The following EIF2AK4 variants were observed in gnomAD, a reference collection of about 807,000 sequenced individuals.
The protein encoded by EIF2AK4 is eukaryotic translation initiation factor 2 alpha kinase 4.
Under a neutral mutation model 211.1 loss-of-function variants are expected in EIF2AK4, and 139 were observed. That is an observed-to-expected ratio of 0.66 (90% CI 0.57 to 0.76). EIF2AK4 has a LOEUF of 0.76. Ranked by LOEUF, EIF2AK4 falls within the 30% of genes least tolerant of loss-of-function variation. The pLI, the probability that EIF2AK4 is intolerant of heterozygous loss-of-function variation, is 0.00. For missense variants in EIF2AK4, 1,664 were observed against 2,043.8 expected (o/e 0.81, Z 3.58); for synonymous variants, 710 against 751.3 (o/e 0.94, Z 0.90).
chr15:39,942,501 C>T (rs559179258), intron 2 of EIF2AK4, among the ~76,000 whole-genome samples: 8 of 152,294 alleles, frequency 5.3e-5, no homozygotes, highest in Admixed American at 3.3e-4. Context: ...TAAGTGCATA[C>T]TCAAGACTTC....
At chr15:39,934,499 G>A (rs985547351) in intron 1 of EIF2AK4, among the ~76,000 whole-genome samples, 160 bp downstream of exon 1, 1 of 152,220 alleles carries the variant, frequency 6.6e-6, no homozygotes, top group Non-Finnish European at 1.5e-5. Context: ...TGCACCTGCA[G>A]CTGGTCTGCA....
chr15:40,028,340 A>G (rs2035493872), intron 33 of EIF2AK4, among the ~76,000 whole-genome samples: 3 of 152,160 alleles, frequency 2.0e-5, no homozygotes, highest in African/African-American at 7.2e-5. Flanking sequence ...AAATTCTTAT[A>G]TGTATGCTCA....
chr15:39,967,927 T>C, intron 9 of EIF2AK4, 48 bp downstream of exon 9: 1 of 1,577,788 alleles, frequency 6.3e-7, no homozygotes. Flanking sequence ...TCCTGTACTT[T>C]TGATTGTGCT....
In EIF2AK4 at chr15:39,985,800, G is replaced by A. The variant is rs1233550434; in HGVS notation, c.2320-5G>A. ...TTGAGTTATTGTGTGTTCGTCTTGGGTTAGGATGAAGATTGCAATGAAAAG... is the reference window on the plus strand; with the variant it reads ...TTGAGTTATTGTGTGTTCGTCTTGGATTAGGATGAAGATTGCAATGAAAAG... On this transcript the variant is annotated splice_region_variant and splice_polypyrimidine_tract_variant and intron_variant, in intron 13 of 38. Coordinates refer to ENST00000263791, the MANE Select transcript of EIF2AK4 (RefSeq NM_001013703.4). 2 of 1,614,032 alleles carry A rather than the reference G, an allele frequency of 1.2e-6. No homozygotes were observed. Among genetic ancestry groups the A allele is most frequent in the African/African-American group, 2.7e-5 (2 of 75,020 alleles).
chr15:40,001,346 C>A, intron 21 of EIF2AK4, 122 bp downstream of exon 21: 1 of 971,110 alleles, frequency 1.0e-6, no homozygotes, highest in Non-Finnish European at 1.5e-6. Context: ...TTGGAAGCCC[C>A]TAAAAGTACA....
At position 40,034,201 on chromosome 15, in the gene EIF2AK4, C is replaced by G. The variant is rs974586820; in HGVS notation, c.4774-125C>G. 6.8e-6 allele frequency: 5 copies of G among 735,800 alleles called. No individual in the cohort carries two copies. In the African/African-American group the frequency reaches 7.0e-5, roughly 10 times the overall value. The allele number at this position is 735,800 out of a possible 1,614,324, so 45.6% of individuals were successfully genotyped here. A position where few individuals can be genotyped will look rare whatever the true frequency, so the allele number is the denominator to read the frequency against. Reference sequence around the variant, plus strand: ...TCTCCTAACTGGTTCTGCTATCTCCCTATTACTGATTCTCCTGGTATACTT... The same window carrying G: ...TCTCCTAACTGGTTCTGCTATCTCCGTATTACTGATTCTCCTGGTATACTT... On this transcript the variant is annotated intron_variant, in intron 37 of 38. Coordinates refer to ENST00000263791, the MANE Select transcript of EIF2AK4 (RefSeq NM_001013703.4).
At chr15:40,021,872 G>C (rs11635600) in intron 31 of EIF2AK4, 48,760 of 152,316 alleles carry the variant, frequency 0.32, 8,006 homozygotes, top group Middle Eastern at 0.39. Context: ...CTGCCAGGAG[G>C]CTTCTGAAGC....
intron 1 of EIF2AK4, among the ~76,000 whole-genome samples, chr15:39,937,351 T>A (rs1268662879): frequency 6.6e-6 from 1 of 152,210 alleles, no homozygotes; most frequent in Admixed American, 6.5e-5. Context: ...TTATAAATTA[T>A]CTAGAACACC....
chr15:39,946,682 T>G, intron 3 of EIF2AK4: 1 of 699,652 alleles, frequency 1.4e-6, no homozygotes, highest in Non-Finnish European at 2.6e-6. Context: ...AGAGAAATCT[T>G]CCATGAAAGG....
intron 9 of EIF2AK4, among the ~76,000 whole-genome samples, chr15:39,972,599 G>A (rs1479865299): frequency 2.0e-5 from 3 of 152,052 alleles, no homozygotes; most frequent in Non-Finnish European, 2.9e-5. Context: ...ACTGTTCATC[G>A]AGGTGAAAAT....
intron 23 of EIF2AK4, among the ~76,000 whole-genome samples, chr15:40,006,809 G>A (rs757616392): frequency 2.6e-5 from 4 of 152,220 alleles, no homozygotes; most frequent in Admixed American, 1.3e-4. Context: ...GTCTAGCAGC[G>A]GAGTCCACCA....
At chr15:39,946,620 T>C (rs748411328) in intron 3 of EIF2AK4, 124 of 700,954 alleles carry the variant, frequency 1.8e-4, no homozygotes, top group Non-Finnish European at 3.0e-4. Flanking sequence ...ACCCCAACTT[T>C]GAAAGAAGTT....
Position 39,976,410 on chromosome 15 carries a change from G to T in EIF2AK4, c.1819-4G>T. The T allele has an allele frequency of 6.3e-7, 1 of 1,585,230 alleles. No individual in the cohort carries two copies. Among genetic ancestry groups the T allele is most frequent in the South Asian group, 1.2e-5 (1 of 86,632 alleles). On this transcript the variant is annotated splice_polypyrimidine_tract_variant and splice_region_variant and intron_variant, in intron 11 of 38. Coordinates refer to ENST00000263791, the MANE Select transcript of EIF2AK4 (RefSeq NM_001013703.4). ...CGGCTGACCTTCCCCTGGCTGTGCC[G>T]CAGGTGCAGAACAAGTTGGACGGCT...
At chr15:40,034,091 C>A (rs1025276238) in intron 37 of EIF2AK4, among the ~76,000 whole-genome samples, 5 of 151,304 alleles carry the variant, frequency 3.3e-5, no homozygotes, top group African/African-American at 1.2e-4. Context: ...CACATCAGCA[C>A]ACTAGGGCTG....
At chr15:39,948,979 G>A (rs2140902055) in intron 3 of EIF2AK4, 137 bp from the exon 4 acceptor site, 1 of 996,202 alleles carries the variant, frequency 1.0e-6, no homozygotes, top group Admixed American at 2.2e-5. Flanking sequence ...CGAATTCAGA[G>A]TATGTCATAT....
Position 39,971,724 on chromosome 15 carries a change from A to T in EIF2AK4, c.1554-1184A>T, listed in dbSNP as rs552538239. ...AGAGCAAAACCTTATCTCAAAAAAA[A>T]AAATTAAAATTAAAAAAAAAGGCCA... On this transcript the variant is annotated intron_variant, in intron 9 of 38. Transcript: ENST00000263791. Among the ~76,000 whole-genome samples the T allele has an allele frequency of 1.9e-3, 286 of 152,090 alleles. 1 individual carries two copies. Among genetic ancestry groups the T allele is most frequent in the African/African-American group, 6.6e-3 (274 of 41,490 alleles).
At position 40,034,384 on chromosome 15, in the gene EIF2AK4, C is replaced by T. The variant is rs776558998; in HGVS notation, c.4832C>T (p.Pro1611Leu). ...TTVKQLLSRL[P>L]KQRYLKLVCD... ...GTGAAGCAGCTGCTGTCACGCCTGC[C>T]AAAGCAAAGATACCTCAAATTAGTC... Residue 1611 changes from proline to leucine, a missense_variant, in exon 38 of 39, where the codon CCA (proline) becomes CTA (leucine). Pro to Leu is a moderately conservative substitution (Grantham distance 98, BLOSUM62 -3). Coordinates refer to ENST00000263791, the MANE Select transcript of EIF2AK4 (RefSeq NM_001013703.4). 6.2e-7 allele frequency: 1 copy of T among 1,613,880 alleles called. No individual in the cohort carries two copies. The highest frequency in any genetic ancestry group is 8.5e-7 in the Non-Finnish European group (1 of 1,179,926).
At chr15:39,950,988 A>C (rs1490822107) in intron 4 of EIF2AK4, among the ~76,000 whole-genome samples, 1 of 152,232 alleles carries the variant, frequency 6.6e-6, no homozygotes, top group African/African-American at 2.4e-5. Context: ...TTTATATTAA[A>C]AATTCACACA....
rs748172436 is a variant in EIF2AK4, at chr15:39,955,668, A to G, written c.643A>G (p.Lys215Glu). 2 of 1,612,312 alleles carry G rather than the reference A, an allele frequency of 1.2e-6. No homozygotes were observed. The highest frequency in any genetic ancestry group is 2.2e-5 in the South Asian group (2 of 90,492). The change falls in exon 6 of 39, where the codon AAG becomes GAG. Residue 215 changes from lysine (K) to glutamate (E), a missense_variant. Lys to Glu is a moderately conservative substitution (Grantham distance 56, BLOSUM62 1). Coordinates refer to ENST00000263791, the MANE Select transcript of EIF2AK4 (RefSeq NM_001013703.4). Reference protein sequence around the residue: ...SLSNQDHTSKKDPGGHRTAAI... With the variant: ...SLSNQDHTSKEDPGGHRTAAI... ...GTCAAACCAAGATCATACCTCTAAG[A>G]AGGACCCAGGAGGACACAGAACGGC...
Sources: allele counts gnomAD v4.1 joint callset (sites outside exome capture counted in the v4.1 genomes callset), GRCh38; gene constraint gnomAD v4.1.1; transcripts MANE v1.5; gene names NCBI Gene and HGNC (gene_info 2026-07-23, HGNC 2026-07-21).